Variants in CFAP54 observed in about 807,000 individuals in gnomAD.
The protein encoded by CFAP54 is cilia and flagella associated protein 54.
In CFAP54, 290 loss-of-function variants were observed where a neutral mutation model predicts 370.4. The observed-to-expected ratio is 0.78, with a 90% CI of 0.71 to 0.86. The LOEUF (loss-of-function observed/expected upper bound fraction) is 0.86, where lower values mean the gene tolerates loss of function less well. CFAP54 is among the 40% of genes least tolerant of loss of function. CFAP54 has a pLI of 0.00. For missense variants in CFAP54, 3,399 were observed against 3,528.7 expected, an observed-to-expected ratio of 0.96 and a Z score of 0.93; for synonymous variants, 1,206 against 1,236.5, an observed-to-expected ratio of 0.98 and a Z score of 0.52.
intron 55 of CFAP54, among the ~76,000 whole-genome samples, chr12:96,747,743 T>G (rs1000769210): frequency 2.0e-5 from 3 of 152,178 alleles, no homozygotes; most frequent in Non-Finnish European, 4.4e-5. Flanking sequence ...CTCTTAGACT[T>G]CATGCCTTAT....
At chr12:96,827,039 A>C (rs1959124513) in intron 65 of CFAP54, among the ~76,000 whole-genome samples, 1 of 137,320 alleles carries the variant, frequency 7.3e-6, no homozygotes, top group African/African-American at 2.8e-5. Context: ...ATTATATATA[A>C]TATGCAATTA....
At chr12:96,781,996 C>T (rs1958585156) in intron 60 of CFAP54, among the ~76,000 whole-genome samples, 1 of 152,002 alleles carries the variant, frequency 6.6e-6, no homozygotes, top group Non-Finnish European at 1.5e-5. Context: ...AAAGATACAT[C>T]ATGTCAAATT....
intron 60 of CFAP54, among the ~76,000 whole-genome samples, chr12:96,777,217 T>C (rs1015137655): frequency 2.0e-5 from 3 of 152,190 alleles, no homozygotes; most frequent in South Asian, 2.1e-4. Context: ...GAGACAGCCA[T>C]TGCACTTCAG....
Position 96,716,753 on chromosome 12 carries a change from G to A in CFAP54, c.6725-1690G>A, listed in dbSNP as rs544894535. On this transcript the variant is annotated intron_variant, in intron 48 of 67. Transcript: ENST00000524981. ...TAGGGTGGCACATGAGCCCTTAAAT[G>A]GAACTCTGGAATTTAGTCTGGAATT... 3.7e-4 allele frequency among the ~76,000 whole-genome samples: 57 copies of A among 152,282 alleles called. 1 individual carries two copies. Among genetic ancestry groups the A allele is most frequent in the African/African-American group, 1.3e-3 (56 of 41,558 alleles).
At chr12:96,732,102 G>C in intron 50 of CFAP54, among the ~76,000 whole-genome samples, 1 of 143,074 alleles carries the variant, frequency 7.0e-6, no homozygotes, top group African/African-American at 2.7e-5. Flanking sequence ...AAGTAGGGGT[G>C]TGTGTGTTTG....
At chr12:96,804,407 T>C (rs1958855325) in intron 63 of CFAP54, among the ~76,000 whole-genome samples, 1 of 152,142 alleles carries the variant, frequency 6.6e-6, no homozygotes, top group Non-Finnish European at 1.5e-5. Flanking sequence ...AAAAACCTCT[T>C]AGTTTGATAG....
In CFAP54 at chr12:96,699,979, C is replaced by T. The variant is rs1423474864; in HGVS notation, c.6360C>T (p.Val2120=). ...NLEARILKIE[V]LIDLRFFSEA... The stretch of plus-strand genomic sequence containing the variant: ...TTTCCTTTCCTTTACAGATAGAAGT[C>T]CTTATAGATTTGAGATTCTTTTCTG... Residue 2120 remains valine (V), a synonymous_variant, in exon 46 of 68, where the codon GTC becomes GTT. Coordinates refer to ENST00000524981, the MANE Select transcript of CFAP54 (RefSeq NM_001306084.2). 2 of 1,572,120 alleles carry T rather than the reference C, an allele frequency of 1.3e-6. No homozygotes were observed. Among genetic ancestry groups the T allele is most frequent in the South Asian group, 2.3e-5 (2 of 86,664 alleles).
rs57754884 is a variant in CFAP54 at position 96,681,068 on chromosome 12, C to T, written c.5716+1316C>T. ...ACTGCACTCCAGCCTGGTGACAAAG[C>T]GAGACTGTCTCAAAATGAAACAGAA... On this transcript the variant is annotated intron_variant, in intron 40 of 67. Transcript: ENST00000524981. 1.5e-3 allele frequency among the ~76,000 whole-genome samples: 230 copies of T among 151,624 alleles called. 1 individual carries two copies. Among genetic ancestry groups the T allele is most frequent in the African/African-American group, 5.2e-3 (215 of 41,350 alleles).
At chr12:96,633,224 T>C (rs878958553) in intron 32 of CFAP54, among the ~76,000 whole-genome samples, 2 of 152,230 alleles carry the variant, frequency 1.3e-5, no homozygotes, top group African/African-American at 2.4e-5. Flanking sequence ...GACTTCGAGT[T>C]TAATCAGGAA....
chr12:96,826,117 T>A (rs1959099241), intron 65 of CFAP54, among the ~76,000 whole-genome samples: 1 of 145,904 alleles, frequency 6.9e-6, no homozygotes, highest in Admixed American at 7.1e-5. Context: ...AATTTTTAAA[T>A]AACTAAGCAA....
intron 30 of CFAP54, among the ~76,000 whole-genome samples, chr12:96,628,319 A>T (rs1956568069): frequency 1.3e-5 from 2 of 152,244 alleles, no homozygotes; most frequent in Admixed American, 1.3e-4. Context: ...AGAGCTCCAC[A>T]GAGCAGTGAA....
At chr12:96,615,877 G>C (rs1302150563) in intron 26 of CFAP54, among the ~76,000 whole-genome samples, 1 of 152,316 alleles carries the variant, frequency 6.6e-6, no homozygotes, top group East Asian at 1.9e-4. Context: ...GTGCTGGAGA[G>C]GATGTGGAGA....
chr12:96,693,643 A>G, intron 44 of CFAP54, 79 bp from the exon 45 acceptor site: 1 of 903,412 alleles, frequency 1.1e-6, no homozygotes, highest in Non-Finnish European at 1.7e-6. Context: ...CCTATATTTA[A>G]TATTTGGCTA....
intron 26 of CFAP54, among the ~76,000 whole-genome samples, chr12:96,602,118 A>C (rs185984298): frequency 8.5e-5 from 13 of 152,086 alleles, no homozygotes; most frequent in Admixed American, 7.9e-4. Context: ...CCCTCTACAC[A>C]CTGCTTTAAA....
chr12:96,561,283 TA>T (rs1391289074), intron 17 of CFAP54, among the ~76,000 whole-genome samples: 3 of 152,210 alleles, frequency 2.0e-5, no homozygotes, highest in Non-Finnish European at 4.4e-5. Context: ...GATGGTTTTA[TA>T]AGAGGAGTTC....
intron 6 of CFAP54, 87 bp downstream of exon 6, chr12:96,519,158 A>C: frequency 7.5e-7 from 1 of 1,334,404 alleles, no homozygotes; most frequent in Non-Finnish European, 1.0e-6. Context: ...GAGTGCAGTG[A>C]TGTGATCTCG....
At chr12:96,795,587 C>T (rs767220744) in intron 63 of CFAP54, among the ~76,000 whole-genome samples, 4 of 152,000 alleles carry the variant, frequency 2.6e-5, no homozygotes, top group Non-Finnish European at 5.9e-5. Flanking sequence ...ACAGGCCTCA[C>T]CCAGCTCCCA....
In CFAP54 at chr12:96,720,582, A is replaced by C; in HGVS notation, c.6965+17A>C. ...GGCATACAGGTGCGTCTCTCCATGCACAGGGGAGGGATACCTTTGAAGAGA... is the reference window on the plus strand; with the variant it reads ...GGCATACAGGTGCGTCTCTCCATGCCCAGGGGAGGGATACCTTTGAAGAGA... On this transcript the variant is annotated intron_variant, in intron 50 of 67. Transcript: ENST00000524981. 6.8e-7 allele frequency: 1 copy of C among 1,469,244 alleles called. No homozygotes were observed. The highest frequency in any genetic ancestry group is 9.1e-7 in the Non-Finnish European group (1 of 1,103,348). The allele number at this position is 1,469,244 out of a possible 1,614,324, so 91.0% of individuals were successfully genotyped here.
intron 22 of CFAP54, among the ~76,000 whole-genome samples, chr12:96,584,885 G>T (rs138244642): frequency 6.8e-4 from 103 of 152,226 alleles, no homozygotes; most frequent in Middle Eastern, 6.8e-3. Context: ...CATCTTTGGA[G>T]GAAAGGTGGC....
Sources: allele counts gnomAD v4.1 joint callset (sites outside exome capture counted in the v4.1 genomes callset), GRCh38; gene constraint gnomAD v4.1.1; transcripts MANE v1.5; gene names NCBI Gene and HGNC (gene_info 2026-07-23, HGNC 2026-07-21).